The following ATP8A2 variants were observed in gnomAD, a reference collection of about 807,000 sequenced individuals.
ATP8A2 encodes the protein ATPase phospholipid transporting 8A2.
ATP8A2 carries 100 observed loss-of-function variants against 165.6 expected under a neutral mutation model. The observed-to-expected ratio is 0.60, with a 90% CI of 0.51 to 0.71. The LOEUF (loss-of-function observed/expected upper bound fraction) is 0.71, where lower values mean the gene tolerates loss of function less well. Ranked by LOEUF, ATP8A2 falls within the 30% of genes least tolerant of loss-of-function variation. The pLI, the probability that ATP8A2 is intolerant of heterozygous loss-of-function variation, is 0.00. For synonymous variants in ATP8A2, 543 were observed against 548.8 expected (o/e 0.99, Z 0.15); for missense variants, 1,227 against 1,479.5 (o/e 0.83, Z 2.80).
In ATP8A2 at chr13:25,901,938, G is replaced by A. The variant is rs540618127; in HGVS notation, c.3183+39530G>A. 7.1e-4 allele frequency among the ~76,000 whole-genome samples: 108 copies of A among 152,312 alleles called. No homozygotes were observed. The South Asian group carries it at 0.011, about 15-fold the overall frequency. On this transcript the variant is annotated intron_variant, in intron 33 of 36. Transcript: ENST00000381655. ...CAAGTACGAATATCATATGTACAGC[G>A]TATCAATATTAGCTGACCTACCAAA...
intron 1 of ATP8A2, among the ~76,000 whole-genome samples, chr13:25,467,202 G>T (rs2035692361): frequency 6.6e-6 from 1 of 152,160 alleles, no homozygotes; most frequent in Admixed American, 6.5e-5. Context: ...GAATAGCCAG[G>T]GTGCTGTGGG....
At chr13:25,828,554 C>T (rs1951377871) in intron 28 of ATP8A2, among the ~76,000 whole-genome samples, 1 of 152,192 alleles carries the variant, frequency 6.6e-6, no homozygotes, top group African/African-American at 2.4e-5. Context: ...TATTTTTGTT[C>T]TGAATTCTTA....
intron 25 of ATP8A2, among the ~76,000 whole-genome samples, chr13:25,737,831 TG>T (rs1303212283): frequency 6.6e-6 from 1 of 151,378 alleles, no homozygotes; most frequent in Non-Finnish European, 1.5e-5. Context: ...TTCAGGCGCC[TG>T]GCCACCATGC....
chr13:25,594,547 C>A (rs543058865), intron 24 of ATP8A2, among the ~76,000 whole-genome samples: 2 of 152,062 alleles, frequency 1.3e-5, no homozygotes, highest in Admixed American at 6.6e-5. Flanking sequence ...ACACTGAACC[C>A]GATTTGTAGC....
chr13:25,751,238 C>T (rs562613810), intron 25 of ATP8A2, among the ~76,000 whole-genome samples: 2 of 152,330 alleles, frequency 1.3e-5, no homozygotes, highest in South Asian at 4.1e-4. Flanking sequence ...AGCTCTGCTA[C>T]AGTGCCTACC....
intron 25 of ATP8A2, among the ~76,000 whole-genome samples, chr13:25,737,326 C>T (rs1234790720): frequency 6.6e-6 from 1 of 152,130 alleles, no homozygotes; most frequent in African/African-American, 2.4e-5. Context: ...ACTTTAGCCA[C>T]CTGGACCCCA....
At chr13:25,388,271 C>T (rs538415862) in intron 1 of ATP8A2, among the ~76,000 whole-genome samples, 3 of 152,270 alleles carry the variant, frequency 2.0e-5, no homozygotes, top group South Asian at 2.1e-4. Context: ...AAGTCAAGGA[C>T]ACTTCAGCAC....
intron 2 of ATP8A2, among the ~76,000 whole-genome samples, chr13:25,520,582 C>T (rs555507669): frequency 2.9e-4 from 44 of 149,188 alleles, no homozygotes; most frequent in African/African-American, 1.1e-3. Context: ...TATGGCATTC[C>T]TATTTTTAGT....
intron 35 of ATP8A2, among the ~76,000 whole-genome samples, chr13:25,973,556 T>C (rs1384931302): frequency 1.3e-5 from 2 of 152,184 alleles, no homozygotes; most frequent in African/African-American, 4.8e-5. Flanking sequence ...CGAGTGCTCC[T>C]TTGAAAACCA....
At chr13:25,927,683 G>A (rs909920810) in intron 33 of ATP8A2, among the ~76,000 whole-genome samples, 4 of 152,188 alleles carry the variant, frequency 2.6e-5, no homozygotes, top group Non-Finnish European at 5.9e-5. Context: ...GTATATCCAG[G>A]CTGAATAAAT....
At chr13:25,455,168 C>T (rs1329341513) in intron 1 of ATP8A2, among the ~76,000 whole-genome samples, 5 of 152,196 alleles carry the variant, frequency 3.3e-5, no homozygotes, top group Admixed American at 6.5e-5. Flanking sequence ...GCAATGTCTC[C>T]TGATACAGGG....
chr13:25,983,262 A>G (rs1956207312), intron 35 of ATP8A2, among the ~76,000 whole-genome samples: 1 of 152,208 alleles, frequency 6.6e-6, no homozygotes, highest in Admixed American at 6.5e-5. Context: ...ATTTACTTAC[A>G]CCATGAAGAA....
intron 24 of ATP8A2, among the ~76,000 whole-genome samples, chr13:25,695,642 A>G (rs554802211): frequency 6.6e-6 from 1 of 152,020 alleles, no homozygotes; most frequent in East Asian, 1.9e-4. Flanking sequence ...TTCCACCTCA[A>G]GAAACCACTT....
intron 1 of ATP8A2, among the ~76,000 whole-genome samples, chr13:25,408,602 A>C (rs193138439): frequency 1.1e-3 from 172 of 152,276 alleles, no homozygotes; most frequent in African/African-American, 4.1e-3. Context: ...TAATGAGGTA[A>C]AAATTTGCAA....
chr13:25,683,906 T>A (rs1248730756), intron 24 of ATP8A2, among the ~76,000 whole-genome samples: 2 of 152,162 alleles, frequency 1.3e-5, no homozygotes, highest in Non-Finnish European at 2.9e-5. Flanking sequence ...GGGTCATTTA[T>A]TTGCATGGTA....
intron 23 of ATP8A2, among the ~76,000 whole-genome samples, chr13:25,587,231 A>G (rs544947364): frequency 1.8e-3 from 278 of 152,360 alleles, no homozygotes; most frequent in Non-Finnish European, 3.1e-3. Context: ...TAGTTAAGCC[A>G]CAATTAACTG....
At chr13:25,711,315 G>T (rs893606643) in intron 25 of ATP8A2, among the ~76,000 whole-genome samples, 2 of 151,904 alleles carry the variant, frequency 1.3e-5, no homozygotes, top group Non-Finnish European at 2.9e-5. Context: ...AGTCCTGTAG[G>T]TATTAATGAA....
intron 30 of ATP8A2, among the ~76,000 whole-genome samples, chr13:25,851,333 G>A (rs1423987505): frequency 6.6e-6 from 1 of 152,168 alleles, no homozygotes; most frequent in Non-Finnish European, 1.5e-5. Flanking sequence ...TGTAATCCCA[G>A]CACTTTGGGA....
In ATP8A2 at chr13:25,804,663, C is replaced by T. The variant is rs74039733; in HGVS notation, c.2680-23455C>T. On this transcript the variant is annotated intron_variant, in intron 27 of 36. Coordinates refer to ENST00000381655, the MANE Select transcript of ATP8A2 (RefSeq NM_016529.6). ...CTCTTTTTCTGTTAAGACAGAGCTTCCTTTGGGCTGGCATTTTGTTTACTC... is the reference window on the plus strand; with the variant it reads ...CTCTTTTTCTGTTAAGACAGAGCTTTCTTTGGGCTGGCATTTTGTTTACTC... 2.2e-3 allele frequency among the ~76,000 whole-genome samples: 342 copies of T among 152,202 alleles called. 2 individuals carry two copies. Among genetic ancestry groups the T allele is most frequent in the African/African-American group, 7.7e-3 (318 of 41,542 alleles).
Sources: gnomAD v4.1 joint callset for allele counts (sites outside exome capture counted in the v4.1 genomes callset) on GRCh38, gnomAD v4.1.1 for gene constraint, MANE v1.5 for transcripts, NCBI Gene and HGNC (gene_info 2026-07-23, HGNC 2026-07-21) for gene names.